The following ATRNL1 variants were observed in gnomAD, a reference collection of about 807,000 sequenced individuals.
ATRNL1 encodes the protein attractin-like protein 1.
ATRNL1 carries 95 observed loss-of-function variants against 182.7 expected under a neutral mutation model. The ratio of observed to expected loss-of-function variants is 0.52; its 90% CI spans 0.44 to 0.62. The LOEUF (loss-of-function observed/expected upper bound fraction) is 0.62, where lower values mean the gene tolerates loss of function less well. ATRNL1 is among the 20% of genes least tolerant of loss of function. The pLI, the probability that ATRNL1 is intolerant of heterozygous loss-of-function variation, is 0.00. For synonymous variants in ATRNL1, 576 were observed against 568.3 expected (o/e 1.01, Z -0.19); for missense variants, 1,471 against 1,679.5 (o/e 0.88, Z 2.17).
At chr10:115,803,304 G>A (rs1949841743) in intron 27 of ATRNL1, among the ~76,000 whole-genome samples, 1 of 151,624 alleles carries the variant, frequency 6.6e-6, no homozygotes, top group Non-Finnish European at 1.5e-5. Flanking sequence ...ATATTTTTAA[G>A]TGGTTTTTTT....
chr10:115,272,502 CTCTGGAATTAAGACATCTAGGTCAGCA>C (rs1851912055), intron 13 of ATRNL1, among the ~76,000 whole-genome samples: 6 of 152,214 alleles, frequency 3.9e-5, no homozygotes, highest in Admixed American at 3.9e-4. Flanking sequence ...TTATTCCTTC[CTCTGGAATTAAGACATCTAGGTCAGCA>C]AAGAATAAGG....
chr10:115,653,929 T>G (rs1394587153), intron 26 of ATRNL1, among the ~76,000 whole-genome samples: 1 of 152,208 alleles, frequency 6.6e-6, no homozygotes, highest in East Asian at 1.9e-4. Flanking sequence ...CATCCTTTTT[T>G]ATGTGTAACT....
At chr10:115,624,573 C>G (rs1233532676) in intron 26 of ATRNL1, among the ~76,000 whole-genome samples, 1 of 151,980 alleles carries the variant, frequency 6.6e-6, no homozygotes, top group Non-Finnish European at 1.5e-5. Context: ...TTTGTAGGAG[C>G]CTATTGTGTG....
At chr10:115,506,495 C>T (rs920944911) in intron 24 of ATRNL1, among the ~76,000 whole-genome samples, 37 of 151,926 alleles carry the variant, frequency 2.4e-4, no homozygotes, top group Non-Finnish European at 4.4e-4. Context: ...GGCTGAAGAC[C>T]GTACTCTACC....
At chr10:115,154,412 A>C (rs1034541933) in intron 5 of ATRNL1, among the ~76,000 whole-genome samples, 2 of 151,934 alleles carry the variant, frequency 1.3e-5, no homozygotes, top group Non-Finnish European at 2.9e-5. Flanking sequence ...GGTGCATATA[A>C]ATTTAGGATA....
At chr10:115,672,899 C>T (rs1771698803) in intron 26 of ATRNL1, among the ~76,000 whole-genome samples, 2 of 151,984 alleles carry the variant, frequency 1.3e-5, no homozygotes, top group African/African-American at 4.8e-5. Flanking sequence ...CAGTGTATGA[C>T]GTTATAGTAT....
intron 19 of ATRNL1, among the ~76,000 whole-genome samples, chr10:115,386,307 TA>T (rs1247784466): frequency 6.6e-6 from 1 of 152,230 alleles, no homozygotes; most frequent in Non-Finnish European, 1.5e-5. Flanking sequence ...CTGTTGCTAA[TA>T]AATGATATTA....
intron 28 of ATRNL1, among the ~76,000 whole-genome samples, chr10:115,863,872 TA>T (rs1951373275): frequency 6.6e-6 from 1 of 151,928 alleles, no homozygotes; most frequent in Non-Finnish European, 1.5e-5. Context: ...TTCCAGAAAA[TA>T]AGTACTCAAA....
At chr10:115,427,897 A>G (rs1208187436) in intron 21 of ATRNL1, among the ~76,000 whole-genome samples, 2 of 145,768 alleles carry the variant, frequency 1.4e-5, no homozygotes, top group South Asian at 2.1e-4. Flanking sequence ...TGTTTTGACT[A>G]CTCTTTTTTT....
chr10:115,693,170 A>G (rs1428022669), intron 26 of ATRNL1, among the ~76,000 whole-genome samples: 2 of 152,148 alleles, frequency 1.3e-5, no homozygotes, highest in African/African-American at 4.8e-5. Flanking sequence ...ATGATTATAT[A>G]TAGTAATAGT....
chr10:115,372,430 T>G (rs1564968880), intron 19 of ATRNL1, among the ~76,000 whole-genome samples: 1 of 152,226 alleles, frequency 6.6e-6, no homozygotes, highest in South Asian at 2.1e-4. Flanking sequence ...TCTGTGCTTT[T>G]GGGACCATGT....
intron 20 of ATRNL1, among the ~76,000 whole-genome samples, chr10:115,400,553 C>T (rs1436986508): frequency 2.0e-5 from 3 of 152,026 alleles, no homozygotes; most frequent in East Asian, 3.9e-4. Flanking sequence ...GTTAATGTCT[C>T]CCACTATGAT....
At chr10:115,390,819 G>A (rs1297427242) in intron 19 of ATRNL1, among the ~76,000 whole-genome samples, 4 of 152,038 alleles carry the variant, frequency 2.6e-5, no homozygotes, top group East Asian at 1.9e-4. Flanking sequence ...TAAGTCACTC[G>A]CTATTTCTTT....
chr10:115,279,386 C>A (rs1852254868), intron 13 of ATRNL1, among the ~76,000 whole-genome samples: 1 of 152,004 alleles, frequency 6.6e-6, no homozygotes, highest in Admixed American at 6.6e-5. Flanking sequence ...GAAGAGGAAT[C>A]TACTTGTTTT....
In ATRNL1 at chr10:115,400,952, C is replaced by T. The variant is rs74158309; in HGVS notation, c.3269+6200C>T. On this transcript the variant is annotated intron_variant, in intron 20 of 28. Transcript: ENST00000355044. Reference sequence around the variant, plus strand: ...TTTAACCCATTTACATTTAAGGTTACCATAAAATATTTAATTTCCAACAGA... The same window carrying T: ...TTTAACCCATTTACATTTAAGGTTATCATAAAATATTTAATTTCCAACAGA... 7.2e-3 allele frequency among the ~76,000 whole-genome samples: 1,096 copies of T among 151,928 alleles called. 14 individuals are homozygous for T. The highest frequency in any genetic ancestry group is 0.025 in the African/African-American group (1,050 of 41,442).
chr10:115,631,672 T>C (rs1858523407), intron 26 of ATRNL1, among the ~76,000 whole-genome samples: 1 of 152,026 alleles, frequency 6.6e-6, no homozygotes, highest in South Asian at 2.1e-4. Context: ...AGCATCAAAG[T>C]TATAATAAAG....
chr10:115,703,914 G>A (rs1351389200), intron 26 of ATRNL1, among the ~76,000 whole-genome samples: 1 of 151,596 alleles, frequency 6.6e-6, no homozygotes, highest in Non-Finnish European at 1.5e-5. Context: ...TTTGATCTAC[G>A]GCTTGATTTT....
intron 26 of ATRNL1, among the ~76,000 whole-genome samples, chr10:115,549,858 T>C (rs1461478939): frequency 2.0e-5 from 3 of 152,016 alleles, no homozygotes; most frequent in Non-Finnish European, 4.4e-5. Context: ...AAGACATACT[T>C]TATTTTTCAT....
At chr10:115,540,771 AAG>A (rs147985941) in intron 25 of ATRNL1, among the ~76,000 whole-genome samples, 83,325 of 141,630 alleles carry the variant, frequency 0.59, 25,145 homozygotes, top group Non-Finnish European at 0.69. Context: ...AAAAAAAAAA[AAG>A]GGGGGAGGGA....
Sources: gnomAD v4.1 joint callset for allele counts (sites outside exome capture counted in the v4.1 genomes callset) on GRCh38, gnomAD v4.1.1 for gene constraint, MANE v1.5 for transcripts, NCBI Gene and HGNC (gene_info 2026-07-23, HGNC 2026-07-21) for gene names.